ZDHHC13: variants seen among roughly 807,000 people sequenced by gnomAD.
ZDHHC13 encodes zDHHC palmitoyltransferase 13, also known as palmitoyltransferase ZDHHC13.
In ZDHHC13, 85 loss-of-function variants were observed where a neutral mutation model predicts 86.0. The observed-to-expected ratio is 0.99, with a 90% CI of 0.83 to 1.18. ZDHHC13 has a LOEUF of 1.18. Among genes scored for constraint, ZDHHC13 ranks in the 50% most tolerant of loss-of-function variants. The pLI is 0.00. For synonymous variants in ZDHHC13, 263 were observed against 246.4 expected (o/e 1.07, Z -0.63); for missense variants, 711 against 730.2 (o/e 0.97, Z 0.30).
chr11:19,161,496 T>C (rs1320077667), intron 10 of ZDHHC13, among the ~76,000 whole-genome samples: 4 of 151,960 alleles, frequency 2.6e-5, no homozygotes, highest in Non-Finnish European at 4.4e-5. Flanking sequence ...ATGTTTAAAC[T>C]AATTTCAAGG....
At chr11:19,141,545 C>T (rs977489170) in intron 1 of ZDHHC13, among the ~76,000 whole-genome samples, 1 of 152,048 alleles carries the variant, frequency 6.6e-6, no homozygotes, top group African/African-American at 2.4e-5. Context: ...CAAAATTGCT[C>T]ATCTTAATTG....
At chr11:19,119,494 CCTTGTGTGCCCA>C (rs1848716496) in intron 1 of ZDHHC13, among the ~76,000 whole-genome samples, 1 of 152,200 alleles carries the variant, frequency 6.6e-6, no homozygotes, top group Admixed American at 6.5e-5. Context: ...AATGCTCTTT[CCTTGTGTGCCCA>C]CTTGGCTTAT....
chr11:19,150,898 G>A, intron 6 of ZDHHC13, 107 bp downstream of exon 6: 1 of 975,138 alleles, frequency 1.0e-6, no homozygotes, highest in East Asian at 2.5e-5. Flanking sequence ...GTACATTGAA[G>A]AAAATAAGAT....
intron 3 of ZDHHC13, 80 bp from the exon 4 acceptor site, chr11:19,147,516 T>C: frequency 8.2e-7 from 1 of 1,216,282 alleles, no homozygotes; most frequent in Non-Finnish European, 1.2e-6. Flanking sequence ...TATTTATTAC[T>C]ATGAAAAAAT....
At chr11:19,126,841 T>C (rs368297494) in intron 1 of ZDHHC13, among the ~76,000 whole-genome samples, 2 of 152,212 alleles carry the variant, frequency 1.3e-5, no homozygotes, top group African/African-American at 4.8e-5. Context: ...GTACTACATT[T>C]TCTTTACCCA....
At chr11:19,158,543 G>A (rs755587064) in intron 9 of ZDHHC13, among the ~76,000 whole-genome samples, 9 of 151,954 alleles carry the variant, frequency 5.9e-5, no homozygotes, top group Non-Finnish European at 8.8e-5. Context: ...TAAATGTAAA[G>A]GTGAATCTCA....
At chr11:19,157,362 A>G (rs1333988732) in intron 9 of ZDHHC13, among the ~76,000 whole-genome samples, 1 of 152,246 alleles carries the variant, frequency 6.6e-6, no homozygotes, top group Non-Finnish European at 1.5e-5. Context: ...GATTATGAGT[A>G]TTCCTCTGTC....
At chr11:19,142,200 G>T (rs926587263) in intron 1 of ZDHHC13, among the ~76,000 whole-genome samples, 1 of 152,108 alleles carries the variant, frequency 6.6e-6, no homozygotes, top group Non-Finnish European at 1.5e-5. Context: ...GCTGTTGTAT[G>T]ATCAAAGTCT....
intron 8 of ZDHHC13, among the ~76,000 whole-genome samples, chr11:19,155,349 G>C (rs932673156): frequency 6.6e-6 from 1 of 152,062 alleles, no homozygotes; most frequent in Non-Finnish European, 1.5e-5. Flanking sequence ...GGGAGGCCGA[G>C]GCAGGTGGAT....
intron 1 of ZDHHC13, 72 bp from the exon 2 acceptor site, chr11:19,142,906 C>A: frequency 7.0e-7 from 1 of 1,430,804 alleles, no homozygotes; most frequent in Non-Finnish European, 9.3e-7. Context: ...TTGATAGTAG[C>A]AAATGCTTCA....
intron 1 of ZDHHC13, among the ~76,000 whole-genome samples, chr11:19,141,247 G>C (rs1365228758): frequency 6.6e-6 from 1 of 152,100 alleles, no homozygotes; most frequent in Non-Finnish European, 1.5e-5. Flanking sequence ...TTATGTAAAT[G>C]AGTAGTCAAA....
chr11:19,164,440 A>G, intron 12 of ZDHHC13, 77 bp downstream of exon 12: 1 of 1,362,098 alleles, frequency 7.3e-7, no homozygotes, highest in Non-Finnish European at 1.0e-6. Context: ...CATTTGTCAG[A>G]TCTTCATGGT....
chr11:19,170,868 A>G (rs1285511400), intron 15 of ZDHHC13, among the ~76,000 whole-genome samples: 1 of 152,230 alleles, frequency 6.6e-6, no homozygotes, highest in Non-Finnish European at 1.5e-5. Flanking sequence ...ATAGAAGTAC[A>G]GAAAGGTAAA....
chr11:19,133,200 A>T (rs1250332232), intron 1 of ZDHHC13, among the ~76,000 whole-genome samples: 1 of 152,202 alleles, frequency 6.6e-6, no homozygotes, highest in African/African-American at 2.4e-5. Flanking sequence ...ATGGAGTCTG[A>T]TGATACCAAG....
In ZDHHC13 at chr11:19,164,367, A is replaced by G. The variant is rs1849997640; in HGVS notation, c.1296+4A>G. 1 of 1,612,076 alleles carries G rather than the reference A, an allele frequency of 6.2e-7. No homozygotes were observed. The highest frequency in any genetic ancestry group is 1.7e-5 in the Admixed American group (1 of 59,786). The stretch of plus-strand genomic sequence containing the variant: ...AACATTTTGTACATCATGTCTTGTG[A>G]GTTTTTTCATATAATTTTTTTCCGT... On this transcript the variant is annotated splice_donor_region_variant and intron_variant, in intron 12 of 16. Coordinates refer to ENST00000446113, the MANE Select transcript of ZDHHC13 (RefSeq NM_019028.3).
At chr11:19,166,564 G>T in intron 14 of ZDHHC13, 179 bp downstream of exon 14, 1 of 492,266 alleles carries the variant, frequency 2.0e-6, no homozygotes, top group Non-Finnish European at 3.5e-6. Flanking sequence ...TACAAGATGA[G>T]GTTAGTTCTC....
At chr11:19,152,058 G>A (rs1785738538) in intron 6 of ZDHHC13, 100 bp from the exon 7 acceptor site, 7 of 1,283,554 alleles carry the variant, frequency 5.5e-6, no homozygotes, top group Non-Finnish European at 7.5e-6. Flanking sequence ...TAACTGAATG[G>A]TTAATTGATG....
At position 19,150,758 on chromosome 11, in the gene ZDHHC13, C is replaced by T. The variant is rs748573652; in HGVS notation, c.551C>T (p.Thr184Ile). The change falls in exon 6 of 17, where the codon ACA (threonine) becomes ATA (isoleucine). Residue 184 changes from threonine (T) to isoleucine (I), a missense_variant. By Grantham distance (89) the Thr-to-Ile change is moderately conservative. Coordinates refer to ENST00000446113, the MANE Select transcript of ZDHHC13 (RefSeq NM_019028.3). Reference sequence around the variant, plus strand: ...AATATGACAGATGTAAATGGGCAGACACCTCTCATGTTATCAGCTCACAAA... The same window carrying T: ...AATATGACAGATGTAAATGGGCAGATACCTCTCATGTTATCAGCTCACAAA... ...SVNMTDVNGQ[T>I]PLMLSAHKVI... The T allele has an allele frequency of 2.1e-5, 34 of 1,610,810 alleles. No individual in the cohort carries two copies. Among genetic ancestry groups the T allele is most frequent in the Middle Eastern group, 1.6e-4 (1 of 6,064 alleles).
At chr11:19,123,683 A>G (rs1848805650) in intron 1 of ZDHHC13, among the ~76,000 whole-genome samples, 1 of 152,170 alleles carries the variant, frequency 6.6e-6, no homozygotes, top group South Asian at 2.1e-4. Flanking sequence ...TTTCTAACCT[A>G]CAAAGAGAAA....
Sources: allele counts gnomAD v4.1 joint callset (sites outside exome capture counted in the v4.1 genomes callset), GRCh38; gene constraint gnomAD v4.1.1; transcripts MANE v1.5; gene names NCBI Gene and HGNC (gene_info 2026-07-23, HGNC 2026-07-21).